GMEB1: variants seen among roughly 807,000 people sequenced by gnomAD.
GMEB1 encodes the protein glucocorticoid modulatory element binding protein 1.
In GMEB1, 6 loss-of-function variants were observed where a neutral mutation model predicts 52.4. The ratio of observed to expected loss-of-function variants is 0.11; its 90% CI spans 0.06 to 0.23. The LOEUF (loss-of-function observed/expected upper bound fraction) is 0.23, where lower values mean the gene tolerates loss of function less well. Ranked by LOEUF, GMEB1 falls within the 10% of genes least tolerant of loss-of-function variation. The probability of loss-of-function intolerance (pLI) is 1.00; values close to 1 mark genes in which losing one functional copy is unlikely to be tolerated. For missense variants in GMEB1, 486 were observed against 685.6 expected, an observed-to-expected ratio of 0.71 and a Z score of 3.25; for synonymous variants, 255 against 244.9, an observed-to-expected ratio of 1.04 and a Z score of -0.38.
chr1:28,690,971 A>G (rs1051843225), intron 3 of GMEB1, among the ~76,000 whole-genome samples: 19 of 150,656 alleles, frequency 1.3e-4, no homozygotes, highest in African/African-American at 4.2e-4. Flanking sequence ...CAAGAGCGAG[A>G]CATCATCCTA....
At chr1:28,675,283 C>T (rs936337423) in intron 1 of GMEB1, among the ~76,000 whole-genome samples, 2 of 152,024 alleles carry the variant, frequency 1.3e-5, no homozygotes, top group African/African-American at 4.8e-5. Context: ...TCCCAAAGTG[C>T]TGGGATTACA....
intron 2 of GMEB1, among the ~76,000 whole-genome samples, chr1:28,688,555 A>G (rs1471407971): frequency 6.6e-6 from 1 of 152,204 alleles, no homozygotes; most frequent in Non-Finnish European, 1.5e-5. Flanking sequence ...AGAGATCTGC[A>G]TTATATAACC....
At chr1:28,672,331 C>T (rs1668929674) in intron 1 of GMEB1, among the ~76,000 whole-genome samples, 1 of 150,250 alleles carries the variant, frequency 6.7e-6, no homozygotes, top group East Asian at 2.0e-4. Flanking sequence ...CGCCATTCTC[C>T]TCCTCAGCCT....
rs879212606 is a variant in GMEB1, at chr1:28,690,203, G to GGTTTTTTTTTTTTTTTTTTTTTTTTTTTT, written c.211+17_211+18insGTTTTTTTTTTTTTTTTTTTTTTTTTTTT. ...AAGGGATTGGTAAGGGTTTTTTTGT[G>GGTTTTTTTTTTTTTTTTTTTTTTTTTTTT]TTTTTTTTTTTTTTTTTTTTTGTCA... On this transcript the variant is annotated intron_variant, in intron 3 of 9. Transcript: ENST00000373816. The GGTTTTTTTTTTTTTTTTTTTTTTTTTTTT allele has an allele frequency of 5.8e-6, 3 of 516,170 alleles. 1 individual carries two copies. The highest frequency in any genetic ancestry group is 6.2e-6 in the Non-Finnish European group (2 of 320,320). The allele number at this position is 516,170 out of a possible 1,614,324, so 32.0% of individuals were successfully genotyped here. A position where few individuals can be genotyped will look rare whatever the true frequency, so the allele number is the denominator to read the frequency against.
rs1161076315 is a variant in GMEB1 at position 28,687,334 on chromosome 1, T to TCACACA, written c.129-2721_129-2716dup. 2.2e-4 allele frequency among the ~76,000 whole-genome samples: 12 copies of TCACACA among 54,118 alleles called. 1 individual carries two copies. The highest frequency in any genetic ancestry group is 6.4e-4 in the African/African-American group (9 of 13,976). 35.5% of individuals were successfully genotyped at this position (54,118 alleles called of 152,430 possible). ...CTGGGCAACAGAATGAGACCCTATC[T>TCACACA]CACACACACACACACACACACACAC... On this transcript the variant is annotated intron_variant, in intron 2 of 9. Coordinates refer to ENST00000373816, the MANE Select transcript of GMEB1 (RefSeq NM_001319674.2).
chr1:28,714,873 T>A lies in GMEB1; in HGVS notation c.*100T>A, dbSNP rs559808019. Reference sequence around the variant, plus strand: ...CTCATTTCCACATAGGACCCTTTTTTAAAAAAAAAAAAACAAAATCTTATT... The same window carrying A: ...CTCATTTCCACATAGGACCCTTTTTAAAAAAAAAAAAAACAAAATCTTATT... On this transcript the variant is annotated 3_prime_UTR_variant, in exon 10 of 10. Coordinates refer to ENST00000373816, the MANE Select transcript of GMEB1 (RefSeq NM_001319674.2). 1,153 of 594,648 alleles carry A rather than the reference T, an allele frequency of 1.9e-3. 5 individuals are homozygous for A. The highest frequency in any genetic ancestry group is 8.0e-3 in the Middle Eastern group (16 of 2,006). 36.8% of individuals were successfully genotyped at this position (594,648 alleles called of 1,614,324 possible). A position where few individuals can be genotyped will look rare whatever the true frequency, so the allele number is the denominator to read the frequency against.
At chr1:28,676,877 C>T (rs1361055201) in intron 1 of GMEB1, among the ~76,000 whole-genome samples, 1 of 151,956 alleles carries the variant, frequency 6.6e-6, no homozygotes, top group East Asian at 1.9e-4. Flanking sequence ...GATGGTGAAA[C>T]CCTGACTCTA....
intron 5 of GMEB1, among the ~76,000 whole-genome samples, chr1:28,694,441 G>A (rs1670105095): frequency 6.7e-6 from 1 of 149,870 alleles, no homozygotes; most frequent in South Asian, 2.1e-4. Context: ...TGATCCACCC[G>A]CCTTGGCCTC....
In GMEB1 at chr1:28,718,414, A is replaced by C. The variant is rs1256015383; in HGVS notation, c.*3641A>C. ...AGAGTTTAAGACTAGCCTGGTCAAC[A>C]TAGCCAGACCCCATCTCTATAAAAA... On this transcript the variant is annotated 3_prime_UTR_variant, in exon 10 of 10. Coordinates refer to ENST00000373816, the MANE Select transcript of GMEB1 (RefSeq NM_001319674.2). 4 of 152,208 alleles carry C rather than the reference A, an allele frequency of 2.6e-5. No individual in the cohort carries two copies. The highest frequency in any genetic ancestry group is 9.6e-5 in the African/African-American group (4 of 41,458). The allele number at this position is 152,208 out of a possible 1,614,324, so 9.4% of individuals were successfully genotyped here.
chr1:28,692,377 C>CA (rs1173588542), intron 4 of GMEB1, among the ~76,000 whole-genome samples: 1 of 151,904 alleles, frequency 6.6e-6, no homozygotes, highest in Non-Finnish European at 1.5e-5. Context: ...ACTAAAAATA[C>CA]AAAAATTAGC....
intron 7 of GMEB1, among the ~76,000 whole-genome samples, chr1:28,702,856 C>T (rs927357980): frequency 1.3e-5 from 2 of 151,868 alleles, no homozygotes; most frequent in East Asian, 1.9e-4. Context: ...TCGAGACCAT[C>T]CTGGCTAACA....
chr1:28,710,562 T>G lies in GMEB1; in HGVS notation c.911T>G (p.Met304Arg). The G allele has an allele frequency of 6.2e-7, 1 of 1,611,324 alleles. No individual in the cohort carries two copies. The highest frequency in any genetic ancestry group is 8.5e-7 in the Non-Finnish European group (1 of 1,178,602). The change falls in exon 9 of 10, where the codon ATG (methionine) becomes AGG (arginine). Residue 304 changes from methionine (M) to arginine (R), a missense_variant. Physicochemically the swap from Met to Arg is moderately conservative, Grantham distance 91. Coordinates refer to ENST00000373816, the MANE Select transcript of GMEB1 (RefSeq NM_001319674.2). ...LNNVAHTFGLMDTVKKVLDNR... is the reference protein window; with the variant it reads ...LNNVAHTFGLRDTVKKVLDNR... Reference sequence around the variant, plus strand: ...AATGTAGCACACACATTTGGCCTAATGGACACAGTCAAGAAGGTTTTAGAC... The same window carrying G: ...AATGTAGCACACACATTTGGCCTAAGGGACACAGTCAAGAAGGTTTTAGAC...
chr1:28,685,474 A>C (rs949952229), intron 2 of GMEB1, among the ~76,000 whole-genome samples: 97 of 152,320 alleles, frequency 6.4e-4, no homozygotes, highest in African/African-American at 2.2e-3. Context: ...AAAAGAAAGA[A>C]TACAATAATG....
intron 1 of GMEB1, among the ~76,000 whole-genome samples, chr1:28,674,509 C>T (rs892490389): frequency 4.6e-5 from 7 of 151,862 alleles, no homozygotes; most frequent in African/African-American, 1.7e-4. Context: ...ATTCTCCTAC[C>T]TCAGCCTCCC....
At chr1:28,679,802 CTTTTT>C (rs762915216) in intron 1 of GMEB1, among the ~76,000 whole-genome samples, 2 of 139,716 alleles carry the variant, frequency 1.4e-5, no homozygotes, top group African/African-American at 2.6e-5. Flanking sequence ...ATGGCTCACA[CTTTTT>C]TTTTTTTTTT....
chr1:28,675,550 A>G (rs1231684806), intron 1 of GMEB1, among the ~76,000 whole-genome samples: 5 of 151,890 alleles, frequency 3.3e-5, no homozygotes, highest in Admixed American at 6.6e-5. Flanking sequence ...GGTGGTGTGC[A>G]CATGTCATCC....
At position 28,704,788 on chromosome 1, in the gene GMEB1, A is replaced by G. The variant is rs138924345; in HGVS notation, c.868+459A>G. On this transcript the variant is annotated intron_variant, in intron 8 of 9. Coordinates refer to ENST00000373816, the MANE Select transcript of GMEB1 (RefSeq NM_001319674.2). ...ACATCCGGCTAATTTTTGTATTTTT[A>G]GTAGAGACAGGGTTTTGCCATGTTG... Among the ~76,000 whole-genome samples, 1,357 of 152,114 alleles carry G rather than the reference A, an allele frequency of 8.9e-3. 21 individuals carry two copies. The highest frequency in any genetic ancestry group is 0.031 in the African/African-American group (1,294 of 41,518).
At chr1:28,686,641 A>T (rs578257953) in intron 2 of GMEB1, among the ~76,000 whole-genome samples, 4 of 151,778 alleles carry the variant, frequency 2.6e-5, no homozygotes, top group African/African-American at 9.7e-5. Flanking sequence ...AAAAAAAAAA[A>T]AAAAAAGGAC....
At chr1:28,699,815 C>T (rs1670407995) in intron 6 of GMEB1, among the ~76,000 whole-genome samples, 1 of 151,520 alleles carries the variant, frequency 6.6e-6, no homozygotes, top group South Asian at 2.1e-4. Context: ...TGGGTCACAC[C>T]TCTAATCCCA....
Sources: allele counts gnomAD v4.1 joint callset (sites outside exome capture counted in the v4.1 genomes callset), GRCh38; gene constraint gnomAD v4.1.1; transcripts MANE v1.5; gene names NCBI Gene and HGNC (gene_info 2026-07-23, HGNC 2026-07-21).